Variants in GABRA2 observed in about 807,000 individuals in gnomAD.
The protein encoded by GABRA2 is gamma-aminobutyric acid receptor subunit alpha-2.
GABRA2 carries 16 observed loss-of-function variants against 48.7 expected under a neutral mutation model. The observed-to-expected ratio is 0.33, with a 90% CI of 0.22 to 0.50. The LOEUF is 0.50. GABRA2 is among the 20% of genes least tolerant of loss of function. GABRA2 has a pLI of 0.98. For synonymous variants in GABRA2, 185 were observed against 184.5 expected (o/e 1.00, Z -0.02); for missense variants, 275 against 535.6 (o/e 0.51, Z 4.80).
chr4:46,309,516 G>C (rs543308892), intron 6 of GABRA2, among the ~76,000 whole-genome samples: 2 of 151,944 alleles, frequency 1.3e-5, no homozygotes. Flanking sequence ...ATGTCATGTG[G>C]GCCTAGGGAG....
intron 8 of GABRA2, among the ~76,000 whole-genome samples, chr4:46,270,608 C>T (rs537475510): frequency 3.9e-5 from 6 of 151,948 alleles, no homozygotes; most frequent in Admixed American, 1.3e-4. Flanking sequence ...AAGGTAAGTA[C>T]TTTAAAGTGT....
At chr4:46,278,078 G>A (rs905051296) in intron 8 of GABRA2, among the ~76,000 whole-genome samples, 1 of 152,094 alleles carries the variant, frequency 6.6e-6, no homozygotes, top group Non-Finnish European at 1.5e-5. Flanking sequence ...AATATGGAAA[G>A]TAGTTGAAAC....
intron 5 of GABRA2, 38 bp from the exon 6 acceptor site, chr4:46,310,293 G>T: frequency 4.6e-6 from 7 of 1,513,024 alleles, no homozygotes; most frequent in Non-Finnish European, 6.4e-6. Flanking sequence ...TAAGTATATT[G>T]GTAAGTCAAG....
At chr4:46,276,429 A>G (rs1470284448) in intron 8 of GABRA2, among the ~76,000 whole-genome samples, 1 of 152,134 alleles carries the variant, frequency 6.6e-6, no homozygotes, top group East Asian at 1.9e-4. Context: ...GACAATTTCT[A>G]CTACAGGGCA....
At chr4:46,311,927 C>T (rs185083581) in intron 5 of GABRA2, among the ~76,000 whole-genome samples, 14 of 152,176 alleles carry the variant, frequency 9.2e-5, no homozygotes, top group South Asian at 2.1e-4. Context: ...GGCGAAACAC[C>T]GTCTCTACTA....
chr4:46,297,819 C>T (rs1266767376), intron 8 of GABRA2, among the ~76,000 whole-genome samples: 1 of 151,480 alleles, frequency 6.6e-6, no homozygotes, highest in Non-Finnish European at 1.5e-5. Flanking sequence ...TGTTTTTATT[C>T]CTTTAGAGTG....
At chr4:46,251,309 T>C (rs1714702360) in intron 9 of GABRA2, among the ~76,000 whole-genome samples, 1 of 151,560 alleles carries the variant, frequency 6.6e-6, no homozygotes, top group Non-Finnish European at 1.5e-5. Context: ...GCCACAGGGA[T>C]CTTTTTTAAG....
chr4:46,390,185 G>GCCCCCCCTC (rs1416952885), upstream of GABRA2: 2 of 87,938 alleles, frequency 2.3e-5, no homozygotes, highest in Admixed American at 1.2e-4. Context: ...GGAAGGCAGG[G>GCCCCCCCTC]CCCCCCCTCC....
intron 2 of GABRA2, among the ~76,000 whole-genome samples, chr4:46,387,435 C>A (rs1471024534): frequency 6.6e-6 from 1 of 152,106 alleles, no homozygotes; most frequent in Admixed American, 6.5e-5. Flanking sequence ...CAACTTCAAA[C>A]AAATATTGTC....
chr4:46,351,828 C>A (rs1419443160), intron 3 of GABRA2, among the ~76,000 whole-genome samples: 1 of 151,860 alleles, frequency 6.6e-6, no homozygotes, highest in Non-Finnish European at 1.5e-5. Flanking sequence ...AAATTTTATC[C>A]TTTCCTTTAT....
Position 46,262,024 on chromosome 4 carries a change from A to T in GABRA2, c.961T>A (p.Tyr321Asn). 6.2e-7 allele frequency: 1 copy of T among 1,613,862 alleles called. No individual in the cohort carries two copies. Among genetic ancestry groups the T allele is most frequent in the Non-Finnish European group, 8.5e-7 (1 of 1,179,840 alleles). Reference protein sequence around the residue: ...TAMDWFIAVCYAFVFSALIEF... With the variant: ...TAMDWFIAVCNAFVFSALIEF... ...ATTAGGGCAGAGAACACAAATGCAT[A>T]ACAAACAGCAATAAACCAGTCCATG... is the stretch of plus-strand genomic sequence containing the variant. The change falls in exon 9 of 10, where the codon TAT becomes AAT. Residue 321 changes from tyrosine to asparagine, a missense_variant. This residue lies in a region of GABRA2 where 24 missense variants were observed against 113.8 expected (regional missense o/e 0.21). Coordinates refer to ENST00000381620, the MANE Select transcript of GABRA2 (RefSeq NM_000807.4).
intron 9 of GABRA2, chr4:46,261,167 C>T (rs942975096): frequency 1.3e-5 from 2 of 152,024 alleles, no homozygotes; most frequent in African/African-American, 4.8e-5. Flanking sequence ...GCTGTTATAT[C>T]AATGCACAAA....
intron 9 of GABRA2, chr4:46,256,505 G>A (rs1248176469): frequency 7.3e-6 from 3 of 410,650 alleles, no homozygotes; most frequent in Non-Finnish European, 8.6e-6. Context: ...GGCAATTTCA[G>A]TGTAAGGAAA....
At chr4:46,286,767 A>C (rs514733) in intron 8 of GABRA2, among the ~76,000 whole-genome samples, 75,249 of 151,912 alleles carry the variant, frequency 0.5, 19,900 homozygotes, top group South Asian at 0.76. Flanking sequence ...AAGTCTGTTC[A>C]AGTCTTTGCC....
intron 8 of GABRA2, 113 bp from the exon 9 acceptor site, chr4:46,262,241 T>C (rs755703254): frequency 9.9e-6 from 6 of 607,792 alleles, no homozygotes; most frequent in Non-Finnish European, 1.7e-5. Flanking sequence ...TCTTATCCAC[T>C]AAATAATAAT....
chr4:46,329,932 A>C (rs1731046253), intron 4 of GABRA2, among the ~76,000 whole-genome samples: 2 of 152,112 alleles, frequency 1.3e-5, no homozygotes, highest in African/African-American at 4.8e-5. Context: ...ATTAAGGGAA[A>C]TGTATTATTA....
Position 46,256,268 on chromosome 4 carries a change from G to A in GABRA2, c.1059+5658C>T, listed in dbSNP as rs537466683. On this transcript the variant is annotated intron_variant, in intron 9 of 9. Transcript: ENST00000381620. ...TAAAGTCTTTTCTTGGAATAAACTG[G>A]GCCATGAGAAAGCTATATACTTGGA... is the stretch of plus-strand genomic sequence containing the variant. The A allele has an allele frequency of 2.4e-3, 1,642 of 695,880 alleles. 2 individuals are homozygous for A. Among genetic ancestry groups the A allele is most frequent in the Non-Finnish European group, 3.6e-3 (1,361 of 381,006 alleles). 43.1% of individuals were successfully genotyped at this position (695,880 alleles called of 1,614,324 possible).
At chr4:46,321,241 G>A (rs1261645721) in intron 4 of GABRA2, among the ~76,000 whole-genome samples, 13 of 151,752 alleles carry the variant, frequency 8.6e-5, no homozygotes, top group African/African-American at 1.7e-4. Flanking sequence ...GGGATGTGAA[G>A]AGGGAAAAAA....
intron 3 of GABRA2, among the ~76,000 whole-genome samples, chr4:46,357,834 T>C (rs1028369781): frequency 1.3e-5 from 2 of 151,914 alleles, no homozygotes; most frequent in Admixed American, 6.6e-5. Context: ...CTAATTTTTG[T>C]ATTTTTAGTA....
Sources: gnomAD v4.1 joint callset for allele counts (sites outside exome capture counted in the v4.1 genomes callset) on GRCh38, gnomAD v4.1.1 for gene constraint, gnomAD v4.1.1 regional missense constraint, MANE v1.5 for transcripts, NCBI Gene and HGNC (gene_info 2026-07-23, HGNC 2026-07-21) for gene names.